STPG2: variants seen among roughly 807,000 people sequenced by gnomAD.
STPG2 encodes sperm tail PG-rich repeat containing 2.
Under a neutral mutation model 54.2 loss-of-function variants are expected in STPG2, and 56 were observed. That is an observed-to-expected ratio of 1.03 (90% CI 0.83 to 1.29). STPG2 has a LOEUF of 1.29. Ranked by LOEUF, STPG2 falls within the 50% of genes most tolerant of loss-of-function variation. The pLI is 0.00. For synonymous variants in STPG2, 200 were observed against 181.8 expected (o/e 1.10, Z -0.81); for missense variants, 596 against 544.9 (o/e 1.09, Z -0.93).
chr4:98,015,505 G>A (rs1735914586), intron 5 of STPG2, among the ~76,000 whole-genome samples: 1 of 152,164 alleles, frequency 6.6e-6, no homozygotes, highest in Admixed American at 6.5e-5. Flanking sequence ...AAACCACAAT[G>A]AGATACCATC....
intron 4 of STPG2, among the ~76,000 whole-genome samples, chr4:97,507,449 A>C (rs1730877491): frequency 6.6e-6 from 1 of 152,112 alleles, no homozygotes; most frequent in South Asian, 2.1e-4. Flanking sequence ...CATCTTTCTC[A>C]GTAACTACTC....
intron 5 of STPG2, among the ~76,000 whole-genome samples, chr4:98,080,542 G>A (rs1738312435): frequency 6.6e-6 from 1 of 152,182 alleles, no homozygotes; most frequent in Admixed American, 6.5e-5. Context: ...CACAATTCAT[G>A]TGAACACATG....
At chr4:97,579,455 T>C (rs987850931) in intron 10 of STPG2, among the ~76,000 whole-genome samples, 7 of 152,032 alleles carry the variant, frequency 4.6e-5, no homozygotes, top group East Asian at 1.9e-4. Flanking sequence ...AAAATACTTA[T>C]CTTGTTTGAA....
At chr4:98,069,994 C>T (rs891470653) in intron 5 of STPG2, among the ~76,000 whole-genome samples, 3 of 151,890 alleles carry the variant, frequency 2.0e-5, no homozygotes, top group Non-Finnish European at 4.4e-5. Context: ...TGAAACTATT[C>T]CAAAAATTGA....
At chr4:98,098,712 G>A (rs1298790390) in intron 5 of STPG2, among the ~76,000 whole-genome samples, 1 of 152,052 alleles carries the variant, frequency 6.6e-6, no homozygotes, top group Non-Finnish European at 1.5e-5. Context: ...GAAAATATTT[G>A]CAAACCCATC....
At chr4:97,613,774 C>A (rs1055314166) in intron 10 of STPG2, among the ~76,000 whole-genome samples, 1 of 151,846 alleles carries the variant, frequency 6.6e-6, no homozygotes, top group Admixed American at 6.6e-5. Context: ...CCAGTTTTGA[C>A]CATTTAGATG....
At chr4:97,742,519 CTGTGTG>C (rs150619013) in intron 9 of STPG2, among the ~76,000 whole-genome samples, 26,852 of 124,780 alleles carry the variant, frequency 0.22, 2,972 homozygotes, top group Middle Eastern at 0.3. Flanking sequence ...AATGAATAAA[CTGTGTG>C]TGTGTGTGTG....
intron 8 of STPG2, among the ~76,000 whole-genome samples, chr4:97,904,484 T>G (rs1262206172): frequency 1.3e-5 from 2 of 151,982 alleles, no homozygotes; most frequent in Non-Finnish European, 2.9e-5. Context: ...CAAAAGTAGA[T>G]AAAACCACAA....
chr4:97,557,093 A>G (rs756541255), downstream of STPG2, among the ~76,000 whole-genome samples: 2 of 152,152 alleles, frequency 1.3e-5, no homozygotes, highest in East Asian at 1.9e-4. Flanking sequence ...AGGCAGGAGA[A>G]TCACTTGAAC....
intron 9 of STPG2, among the ~76,000 whole-genome samples, chr4:97,736,380 C>T (rs571255135): frequency 1.1e-4 from 17 of 152,230 alleles, no homozygotes; most frequent in African/African-American, 3.1e-4. Context: ...TGCAGCACAC[C>T]GTGCGCGAGT....
intron 4 of STPG2, among the ~76,000 whole-genome samples, chr4:97,524,435 T>G (rs1365511720): frequency 6.6e-6 from 1 of 151,954 alleles, no homozygotes; most frequent in African/African-American, 2.4e-5. Context: ...TGAGCAGGAT[T>G]CATTTGCTGT....
chr4:97,759,663 T>C (rs1725832349), intron 9 of STPG2, among the ~76,000 whole-genome samples: 1 of 152,060 alleles, frequency 6.6e-6, no homozygotes, highest in African/African-American at 2.4e-5. Flanking sequence ...GGAATTCATA[T>C]AAAACTGAAA....
At chr4:97,714,543 T>C (rs1347099428) in intron 9 of STPG2, among the ~76,000 whole-genome samples, 1 of 152,190 alleles carries the variant, frequency 6.6e-6, no homozygotes, top group African/African-American at 2.4e-5. Flanking sequence ...TGTTTTGATA[T>C]ACCAAGTGAT....
At chr4:97,463,537 C>A (rs1176503892) in intron 4 of STPG2, 2 of 152,132 alleles carry the variant, frequency 1.3e-5, no homozygotes, top group Non-Finnish European at 2.9e-5. Flanking sequence ...GTAACGTCTT[C>A]CTCTCAGGTC....
chr4:97,868,143 T>A (rs143199962), intron 8 of STPG2, among the ~76,000 whole-genome samples: 295 of 152,110 alleles, frequency 1.9e-3, no homozygotes, highest in African/African-American at 7.0e-3. Flanking sequence ...TCGTTTTTCA[T>A]AGTGTCTTGC....
At chr4:97,640,668 A>G (rs1343589800) in intron 10 of STPG2, among the ~76,000 whole-genome samples, 1 of 151,740 alleles carries the variant, frequency 6.6e-6, no homozygotes, top group Non-Finnish European at 1.5e-5. Flanking sequence ...ACACAAAAAT[A>G]TTCAAAAGGT....
At chr4:97,854,933 T>C (rs1464713416) in intron 8 of STPG2, among the ~76,000 whole-genome samples, 1 of 152,182 alleles carries the variant, frequency 6.6e-6, no homozygotes, top group African/African-American at 2.4e-5. Context: ...CCCCAGTGTG[T>C]GTTGTTCTCC....
intron 5 of STPG2, among the ~76,000 whole-genome samples, chr4:97,995,696 C>G (rs998966580): frequency 4.6e-5 from 7 of 152,068 alleles, no homozygotes; most frequent in African/African-American, 1.7e-4. Flanking sequence ...AGCTGGGAAC[C>G]CTGCATGGGG....
At chr4:97,938,928 T>C (rs574979093) in intron 8 of STPG2, among the ~76,000 whole-genome samples, 2 of 152,188 alleles carry the variant, frequency 1.3e-5, no homozygotes, top group African/African-American at 4.8e-5. Flanking sequence ...CCTTTTCAAC[T>C]TTTTGATGTG....
Sources: allele counts gnomAD v4.1 joint callset (sites outside exome capture counted in the v4.1 genomes callset), GRCh38; gene constraint gnomAD v4.1.1; transcripts MANE v1.5; gene names NCBI Gene and HGNC (gene_info 2026-07-23, HGNC 2026-07-21).